BEND3: variants seen among roughly 807,000 people sequenced by gnomAD.
BEND3 encodes the protein BEN domain-containing protein 3.
Under a neutral mutation model 60.1 loss-of-function variants are expected in BEND3, and 13 were observed. The ratio of observed to expected loss-of-function variants is 0.22; its 90% CI spans 0.14 to 0.34. The LOEUF is 0.34. Ranked by LOEUF, BEND3 falls within the 10% of genes least tolerant of loss-of-function variation. The probability of loss-of-function intolerance (pLI) is 1.00; values close to 1 mark genes in which losing one functional copy is unlikely to be tolerated. For missense variants in BEND3, 896 were observed against 1,138.1 expected, an observed-to-expected ratio of 0.79 and a Z score of 3.06; for synonymous variants, 497 against 491.5, an observed-to-expected ratio of 1.01 and a Z score of -0.15.
chr6:107,087,098 G>A (rs1001240972), intron 3 of BEND3, among the ~76,000 whole-genome samples: 3 of 151,288 alleles, frequency 2.0e-5, no homozygotes, highest in Non-Finnish European at 2.9e-5. Context: ...TTCAGAGGCC[G>A]AGGCGGGTGG....
intron 1 of BEND3, among the ~76,000 whole-genome samples, chr6:107,112,756 G>A (rs1460536189): frequency 1.3e-5 from 2 of 151,896 alleles, no homozygotes; most frequent in African/African-American, 4.8e-5. Flanking sequence ...GGGAGGCTGA[G>A]GCAGGAGAAT....
intron 1 of BEND3, among the ~76,000 whole-genome samples, chr6:107,110,487 G>T (rs560778173): frequency 2.0e-5 from 3 of 152,206 alleles, no homozygotes; most frequent in Admixed American, 2.0e-4. Flanking sequence ...ATTTGGAGAA[G>T]GAAAGAGACT....
rs1262869768 is a variant in BEND3 at position 107,065,604 on chromosome 6, C to T, written c.*3100G>A. The T allele has an allele frequency of 1.3e-5, 2 of 152,242 alleles. No individual in the cohort carries two copies. Among genetic ancestry groups the T allele is most frequent in the African/African-American group, 4.8e-5 (2 of 41,452 alleles). 9.4% of individuals were successfully genotyped at this position (152,242 alleles called of 1,614,324 possible). On this transcript the variant is annotated 3_prime_UTR_variant, in exon 4 of 4. Transcript: ENST00000369042. ...GACCTCCACTCGGGAGTCTCGAGAT[C>T]CCCTCTTGACTGGGAAAGAAGCAAA...
intron 3 of BEND3, among the ~76,000 whole-genome samples, chr6:107,075,489 TA>T (rs1348204217): frequency 3.3e-5 from 5 of 152,344 alleles, no homozygotes; most frequent in African/African-American, 1.2e-4. Flanking sequence ...CTGTAGAATG[TA>T]AAGTAAAATT....
intron 3 of BEND3, among the ~76,000 whole-genome samples, chr6:107,095,968 A>G (rs1312790685): frequency 6.6e-6 from 1 of 152,212 alleles, no homozygotes; most frequent in Non-Finnish European, 1.5e-5. Context: ...CAAATGGTAT[A>G]TACATTTGTC....
intron 3 of BEND3, among the ~76,000 whole-genome samples, chr6:107,095,708 T>C (rs552000283): frequency 9.8e-5 from 15 of 152,312 alleles, no homozygotes; most frequent in Middle Eastern, 3.4e-3. Flanking sequence ...TATGATTCAG[T>C]GCTAAAAGAA....
chr6:107,088,363 C>G (rs1364307844), intron 3 of BEND3, among the ~76,000 whole-genome samples: 2 of 152,052 alleles, frequency 1.3e-5, no homozygotes, highest in Non-Finnish European at 2.9e-5. Context: ...AAGGGTGTTA[C>G]ATATACACCA....
At chr6:107,108,795 A>T (rs1381232670) in intron 1 of BEND3, among the ~76,000 whole-genome samples, 1 of 152,146 alleles carries the variant, frequency 6.6e-6, no homozygotes, top group Non-Finnish European at 1.5e-5. Context: ...TAGAAAAAAA[A>T]TTAAGAGGGT....
Position 107,065,554 on chromosome 6 carries a change from A to ACAGCC in BEND3, c.*3145_*3149dup, listed in dbSNP as rs1774808793. The ACAGCC allele has an allele frequency of 6.6e-6, 1 of 152,166 alleles. No individual in the cohort carries two copies. 9.4% of individuals were successfully genotyped at this position (152,166 alleles called of 1,614,324 possible). A position where few individuals can be genotyped will look rare whatever the true frequency, so the allele number is the denominator to read the frequency against. ...TCATGTATCTATACAGTCGATCTAC[A>ACAGCC]CAGCCAGGCGGGGTGCAAGCTCACG... On this transcript the variant is annotated 3_prime_UTR_variant, in exon 4 of 4. Coordinates refer to ENST00000369042, the MANE Select transcript of BEND3 (RefSeq NM_001367314.1).
chr6:107,094,254 C>CA (rs1775535179), intron 3 of BEND3, among the ~76,000 whole-genome samples: 1 of 151,780 alleles, frequency 6.6e-6, no homozygotes, highest in Admixed American at 6.6e-5. Context: ...GCCACTTCAC[C>CA]AAAAAAGCTA....
intron 3 of BEND3, among the ~76,000 whole-genome samples, chr6:107,072,578 A>G (rs1383583950): frequency 6.6e-6 from 1 of 152,232 alleles, no homozygotes; most frequent in African/African-American, 2.4e-5. Context: ...TTCGTACAGC[A>G]AGTGAGCTAT....
At chr6:107,086,225 T>C (rs1246442962) in intron 3 of BEND3, among the ~76,000 whole-genome samples, 2 of 152,050 alleles carry the variant, frequency 1.3e-5, no homozygotes, top group Non-Finnish European at 1.5e-5. Context: ...GGAAGAGAAA[T>C]AGCCAACATC....
chr6:107,071,998 T>C (rs567196536), intron 3 of BEND3, among the ~76,000 whole-genome samples: 16 of 152,350 alleles, frequency 1.1e-4, no homozygotes, highest in African/African-American at 3.8e-4. Context: ...ACCTTAAATA[T>C]GTATCCTTCT....
Position 107,099,938 on chromosome 6 carries a change from T to C in BEND3, c.-11-642A>G, listed in dbSNP as rs144781920. Among the ~76,000 whole-genome samples, 461 of 152,170 alleles carry C rather than the reference T, an allele frequency of 3.0e-3. 3 individuals carry two copies. Among genetic ancestry groups the C allele is most frequent in the African/African-American group, 0.011 (438 of 41,492 alleles). ...TGGCTGGAGTACAGTAGCACTATCA[T>C]GGCTCATTGCAGCCTCTGATTCCTG... On this transcript the variant is annotated intron_variant, in intron 1 of 3. Coordinates refer to ENST00000369042, the MANE Select transcript of BEND3 (RefSeq NM_001367314.1).
intron 3 of BEND3, among the ~76,000 whole-genome samples, chr6:107,079,382 G>C (rs1554233208): frequency 1.3e-5 from 2 of 152,224 alleles, no homozygotes; most frequent in Non-Finnish European, 2.9e-5. Context: ...CCAGGATACA[G>C]AAAGCCCTCT....
intron 1 of BEND3, among the ~76,000 whole-genome samples, chr6:107,110,261 T>C (rs1331572708): frequency 6.6e-6 from 1 of 152,148 alleles, no homozygotes; most frequent in East Asian, 1.9e-4. Context: ...TCATACAAAA[T>C]TCACAGACTA....
intron 3 of BEND3, among the ~76,000 whole-genome samples, chr6:107,074,973 C>T (rs547692475): frequency 5.9e-5 from 9 of 152,028 alleles, no homozygotes; most frequent in South Asian, 4.2e-4. Flanking sequence ...TGGTAGCACA[C>T]GCCTGTAGTC....
At chr6:107,071,011 C>A in intron 3 of BEND3, 61 bp from the exon 4 acceptor site, 1 of 1,489,768 alleles carries the variant, frequency 6.7e-7, no homozygotes. Context: ...TGACACTAAA[C>A]AAGGGTCTGT....
intron 3 of BEND3, among the ~76,000 whole-genome samples, chr6:107,094,818 CTTT>C (rs60923094): frequency 4.8e-5 from 3 of 61,958 alleles, no homozygotes; most frequent in African/African-American, 1.2e-4. Context: ...ATGTCACTGC[CTTT>C]TTTTTTTTTT....
Sources: gnomAD v4.1 joint callset for allele counts (sites outside exome capture counted in the v4.1 genomes callset) on GRCh38, gnomAD v4.1.1 for gene constraint, MANE v1.5 for transcripts, NCBI Gene and HGNC (gene_info 2026-07-23, HGNC 2026-07-21) for gene names.